DSN1: variants seen among roughly 807,000 people sequenced by gnomAD.
The protein encoded by DSN1 is kinetochore-associated protein DSN1 homolog.
A neutral mutation model predicts 45.7 loss-of-function variants in DSN1; 31 were observed. The ratio of observed to expected loss-of-function variants is 0.68; its 90% CI spans 0.51 to 0.92. DSN1 has a LOEUF of 0.92. DSN1 is among the 40% of genes least tolerant of loss of function. DSN1 has a pLI of 0.00. For missense variants in DSN1, 394 were observed against 414.2 expected (o/e 0.95, Z 0.42); for synonymous variants, 134 against 142.3 (o/e 0.94, Z 0.41).
chr20:36,763,885 CA>C (rs148628979), intron 5 of DSN1, among the ~76,000 whole-genome samples: 748 of 37,406 alleles, frequency 0.02, 1 homozygote, highest in African/African-American at 0.073. Context: ...AACTCTGTCT[CA>C]AAAAAAAAAA....
At chr20:36,770,801 CCTCTTATCTGAGCTGGAACCTGT>C (rs898472081) in intron 3 of DSN1, 49 bp downstream of exon 3, 45 of 1,502,110 alleles carry the variant, frequency 3.0e-5, no homozygotes, top group African/African-American at 4.2e-5. Context: ...TACCTCACTG[CCTCTTATCTGAGCTGGAACCTGT>C]CTCTTATCTG....
Position 36,752,758 on chromosome 20 carries a change from G to A in DSN1, c.*30C>T. 6.3e-7 allele frequency: 1 copy of A among 1,584,006 alleles called. No homozygotes were observed. The highest frequency in any genetic ancestry group is 8.7e-7 in the Non-Finnish European group (1 of 1,152,948). On this transcript the variant is annotated 3_prime_UTR_variant, in exon 11 of 11. Coordinates refer to ENST00000373750, the MANE Select transcript of DSN1 (RefSeq NM_001145315.2). ...GCACTCTTCCCATTCCTCTCCTCTT[G>A]GGCACCTTGTGGCAGAAACTCTCAT...
chr20:36,770,885 G>A lies in DSN1; in HGVS notation c.343C>T (p.Gln115Ter). The change falls in exon 3 of 11, where the codon CAG (glutamine) becomes TAG (stop). Residue 115 changes from glutamine (Q) to a stop codon, truncating the protein, a stop_gained. Coordinates refer to ENST00000373750, the MANE Select transcript of DSN1 (RefSeq NM_001145315.2). LOFTEE classifies it high-confidence loss of function. ...NRRKSLHPIH[Q>*]GITELSRSIS... ...CACAGCACCCCACCTGTGATGCCCT[G>A]GTGAATGGGATGCAGCGACTTCCGC... 6.2e-7 allele frequency: 1 copy of A among 1,610,726 alleles called. No homozygotes were observed. The highest frequency in any genetic ancestry group is 8.5e-7 in the Non-Finnish European group (1 of 1,179,320).
intron 5 of DSN1, 78 bp from the exon 6 acceptor site, chr20:36,762,626 A>G: frequency 7.4e-7 from 1 of 1,346,506 alleles, no homozygotes; most frequent in South Asian, 1.3e-5. Context: ...AAGGTATATT[A>G]AGGTAGTCTC....
At chr20:36,753,597 C>T (rs1411454838) in intron 10 of DSN1, among the ~76,000 whole-genome samples, 1 of 145,288 alleles carries the variant, frequency 6.9e-6, no homozygotes, top group Non-Finnish European at 1.5e-5. Flanking sequence ...AAGATCATGC[C>T]ACTGCACTCT....
rs113449060 is a variant in DSN1, at chr20:36,756,319, C to T, written c.726-490G>A. 2.8e-4 allele frequency among the ~76,000 whole-genome samples: 42 copies of T among 152,234 alleles called. 1 individual carries two copies. The highest frequency in any genetic ancestry group is 8.7e-4 in the African/African-American group (36 of 41,540). Reference sequence around the variant, plus strand: ...TGAAACAATTGTCTAGTATTCATGTCTTTATACCTCCGGACTCCAGGAAAT... The same window carrying T: ...TGAAACAATTGTCTAGTATTCATGTTTTTATACCTCCGGACTCCAGGAAAT... On this transcript the variant is annotated intron_variant, in intron 8 of 10. Coordinates refer to ENST00000373750, the MANE Select transcript of DSN1 (RefSeq NM_001145315.2).
intron 5 of DSN1, among the ~76,000 whole-genome samples, chr20:36,765,782 A>G (rs1235400064): frequency 1.4e-5 from 2 of 147,502 alleles, no homozygotes; most frequent in Admixed American, 1.4e-4. Flanking sequence ...TGGGCGACAG[A>G]GCGAGAGTCT....
intron 10 of DSN1, 45 bp from the exon 11 acceptor site, chr20:36,752,942 G>T (rs746896103): frequency 2.0e-6 from 3 of 1,495,518 alleles, no homozygotes; most frequent in Non-Finnish European, 9.3e-7. Context: ...TTGAAATAAC[G>T]TAACATTTAT....
chr20:36,767,853 G>A (rs1358309659), intron 4 of DSN1, 116 bp downstream of exon 4: 2 of 1,031,562 alleles, frequency 1.9e-6, no homozygotes, highest in East Asian at 2.5e-5. Flanking sequence ...AGTGAGTCAA[G>A]ATCATACCAC....
At chr20:36,754,940 C>A in intron 9 of DSN1, 90 bp from the exon 10 acceptor site, 1 of 1,069,642 alleles carries the variant, frequency 9.3e-7, no homozygotes, top group Non-Finnish European at 1.4e-6. Flanking sequence ...CTCAGGAGCT[C>A]TGGGCTTGCT....
Position 36,768,046 on chromosome 20 carries a change from A to C in DSN1, c.356-4T>G, listed in dbSNP as rs766924419. The C allele has an allele frequency of 6.2e-7, 1 of 1,614,060 alleles. No individual in the cohort carries two copies. Among genetic ancestry groups the C allele is most frequent in the South Asian group, 1.1e-5 (1 of 91,086 alleles). The stretch of plus-strand genomic sequence containing the variant: ...ACACTGATAGACCGGCTGAGCTCTA[A>C]CATAAAACATAGCCACATTTAAGGA... On this transcript the variant is annotated splice_region_variant and splice_polypyrimidine_tract_variant and intron_variant, in intron 3 of 10. Coordinates refer to ENST00000373750, the MANE Select transcript of DSN1 (RefSeq NM_001145315.2).
intron 5 of DSN1, among the ~76,000 whole-genome samples, chr20:36,764,267 C>A (rs2148274545): frequency 6.6e-6 from 1 of 152,012 alleles, no homozygotes; most frequent in African/African-American, 2.4e-5. Context: ...CAGGCCTCTG[C>A]TAGACTTGAA....
intron 10 of DSN1, among the ~76,000 whole-genome samples, chr20:36,753,338 T>TAA (rs558345664): frequency 1.3e-4 from 13 of 103,918 alleles, no homozygotes; most frequent in Admixed American, 4.0e-4. Flanking sequence ...AGACCCTGTC[T>TAA]AAAAAAAAAA....
rs1284269391 is a variant in DSN1, at chr20:36,751,832, A to G, written c.*956T>C. On this transcript the variant is annotated 3_prime_UTR_variant, in exon 11 of 11. Coordinates refer to ENST00000373750, the MANE Select transcript of DSN1 (RefSeq NM_001145315.2). ...AAAGCTTTTAATTATGTGCAATTTT[A>G]TAATACAGATTATAAACAAATAGAA... 6.6e-6 allele frequency: 1 copy of G among 152,156 alleles called. No individual in the cohort carries two copies. The highest frequency in any genetic ancestry group is 1.5e-5 in the Non-Finnish European group (1 of 68,030). The allele number at this position is 152,156 out of a possible 1,614,324, so 9.4% of individuals were successfully genotyped here.
At chr20:36,771,651 C>T (rs1381402441) in intron 1 of DSN1, among the ~76,000 whole-genome samples, 178 bp from the exon 2 acceptor site, 3 of 152,202 alleles carry the variant, frequency 2.0e-5, no homozygotes, top group African/African-American at 7.2e-5. Flanking sequence ...AATTTCTATA[C>T]ACTTTATTGC....
At chr20:36,760,936 T>C (rs1279226258) in intron 6 of DSN1, among the ~76,000 whole-genome samples, 2 of 152,164 alleles carry the variant, frequency 1.3e-5, no homozygotes, top group African/African-American at 4.8e-5. Context: ...TAAAATGTTT[T>C]TCATTTCCTG....
At chr20:36,758,498 G>C in intron 7 of DSN1, 60 bp downstream of exon 7, 1 of 1,434,274 alleles carries the variant, frequency 7.0e-7, no homozygotes, top group East Asian at 2.3e-5. Flanking sequence ...TTTTTTCCAA[G>C]TTAGTTAATT....
chr20:36,770,400 G>GT (rs1448452132), intron 3 of DSN1, among the ~76,000 whole-genome samples: 1 of 152,110 alleles, frequency 6.6e-6, no homozygotes, highest in African/African-American at 2.4e-5. Context: ...TCCCTCTGAG[G>GT]TATTTCCAGT....
chr20:36,771,545 A>G, intron 1 of DSN1, 72 bp from the exon 2 acceptor site: 3 of 1,429,802 alleles, frequency 2.1e-6, no homozygotes, highest in Non-Finnish European at 2.9e-6. Context: ...TTACAGCCCC[A>G]GAATAAATAG....
Sources: allele counts gnomAD v4.1 joint callset (sites outside exome capture counted in the v4.1 genomes callset), GRCh38; gene constraint gnomAD v4.1.1; transcripts MANE v1.5; gene names NCBI Gene and HGNC (gene_info 2026-07-23, HGNC 2026-07-21).